RAB38: variants seen among roughly 807,000 people sequenced by gnomAD.
RAB38 encodes the protein RAB38, member RAS oncogene family.
In RAB38, 15 loss-of-function variants were observed where a neutral mutation model predicts 18.4. That is an observed-to-expected ratio of 0.82 (90% CI 0.55 to 1.26). The LOEUF (loss-of-function observed/expected upper bound fraction) is 1.26, where lower values mean the gene tolerates loss of function less well. Among genes scored for constraint, RAB38 ranks in the 50% most tolerant of loss-of-function variants. RAB38 has a pLI of 0.00. For missense variants in RAB38, 294 were observed against 267.4 expected (o/e 1.10, Z -0.69); for synonymous variants, 101 against 104.4 (o/e 0.97, Z 0.20).
At chr11:88,175,101 G>T (rs1483501125) in intron 1 of RAB38, 82 bp downstream of exon 1, 7 of 1,407,924 alleles carry the variant, frequency 5.0e-6, no homozygotes, top group Non-Finnish European at 6.6e-6. Flanking sequence ...TTAATCTCAC[G>T]CTTGGCCGCA....
chr11:88,166,219 T>C (rs1277302707), intron 1 of RAB38: 1 of 152,050 alleles, frequency 6.6e-6, no homozygotes, highest in African/African-American at 2.4e-5. Context: ...GAGAAAATGA[T>C]ATTAGAAATG....
At chr11:88,128,778 T>C (rs1942734602) in intron 2 of RAB38, among the ~76,000 whole-genome samples, 1 of 152,222 alleles carries the variant, frequency 6.6e-6, no homozygotes, top group African/African-American at 2.4e-5. Context: ...TACTCAAGAC[T>C]AGAACAATTC....
chr11:87,960,379 C>CA, the RAB38 span, among the ~76,000 whole-genome samples: 28,030 of 113,242 alleles, frequency 0.25, 2,853 homozygotes, highest in Middle Eastern at 0.39. Flanking sequence ...TGGAAGACAA[C>CA]AAAAAAAAGA....
the RAB38 span, among the ~76,000 whole-genome samples, chr11:87,851,992 T>A: frequency 6.6e-6 from 1 of 152,250 alleles, no homozygotes; most frequent in African/African-American, 2.4e-5. Context: ...TTAAACTATA[T>A]TTTTTATGCT....
the RAB38 span, among the ~76,000 whole-genome samples, chr11:87,835,543 T>G: frequency 6.6e-6 from 1 of 152,212 alleles, no homozygotes; most frequent in Non-Finnish European, 1.5e-5. Context: ...GTGACCTGTT[T>G]TAGACATAGG....
chr11:87,907,064 C>G, the RAB38 span, among the ~76,000 whole-genome samples: 2 of 151,910 alleles, frequency 1.3e-5, no homozygotes, highest in Non-Finnish European at 2.9e-5. Flanking sequence ...GTGAACATGA[C>G]TAGGTAAGTT....
intron 2 of RAB38, among the ~76,000 whole-genome samples, chr11:88,119,684 A>T (rs983029134): frequency 1.3e-5 from 2 of 152,080 alleles, no homozygotes; most frequent in Non-Finnish European, 2.9e-5. Flanking sequence ...AAAAAAAAAA[A>T]ATCCTAGCAG....
chr11:87,897,320 A>C, the RAB38 span, among the ~76,000 whole-genome samples: 1 of 151,476 alleles, frequency 6.6e-6, no homozygotes, highest in African/African-American at 2.4e-5. Context: ...AATTGTAAAT[A>C]TTTAACTATT....
the RAB38 span, among the ~76,000 whole-genome samples, chr11:87,865,276 T>G: frequency 6.6e-6 from 1 of 151,688 alleles, no homozygotes. Context: ...GATCTTGAAG[T>G]GTCAAATTAT....
chr11:87,862,245 A>T, the RAB38 span, among the ~76,000 whole-genome samples: 1 of 151,992 alleles, frequency 6.6e-6, no homozygotes, highest in African/African-American at 2.4e-5. Context: ...AATAGCAAAG[A>T]CATAGAATCA....
chr11:88,119,630 G>A (rs1367915821), intron 2 of RAB38, among the ~76,000 whole-genome samples: 1 of 150,382 alleles, frequency 6.6e-6, no homozygotes, highest in South Asian at 2.1e-4. Flanking sequence ...TCTGTCTTGC[G>A]GCAAAGTATT....
the RAB38 span, chr11:88,098,608 G>C: frequency 6.6e-6 from 1 of 151,848 alleles, no homozygotes; most frequent in Non-Finnish European, 1.5e-5. Context: ...TCCATTCTCT[G>C]TTTTTAATGC....
chr11:88,074,060 A>T, the RAB38 span, among the ~76,000 whole-genome samples: 1 of 149,818 alleles, frequency 6.7e-6, no homozygotes, highest in African/African-American at 2.5e-5. Context: ...AAAAAAAAAA[A>T]TCTAAGAATT....
chr11:87,903,060 AT>A, the RAB38 span, among the ~76,000 whole-genome samples: 1 of 151,260 alleles, frequency 6.6e-6, no homozygotes, highest in Non-Finnish European at 1.5e-5. Context: ...TATTCCCATT[AT>A]TTATTTCTTT....
chr11:88,105,525 T>C, the RAB38 span, among the ~76,000 whole-genome samples: 12 of 152,278 alleles, frequency 7.9e-5, no homozygotes, highest in East Asian at 2.1e-3. Flanking sequence ...TCAGGACTTA[T>C]ACACAGTTAA....
the RAB38 span, among the ~76,000 whole-genome samples, chr11:87,939,627 G>A: frequency 9.2e-5 from 14 of 152,198 alleles, no homozygotes; most frequent in South Asian, 2.9e-3. Context: ...GGAGGCCGAG[G>A]AGCTAAGATA....
At chr11:87,932,604 G>C in the RAB38 span, among the ~76,000 whole-genome samples, 3 of 152,044 alleles carry the variant, frequency 2.0e-5, no homozygotes, top group Non-Finnish European at 4.4e-5. Context: ...TTAGATCCTA[G>C]TGTAATCAGC....
intron 2 of RAB38, among the ~76,000 whole-genome samples, chr11:88,142,096 C>G (rs1942922401): frequency 6.6e-6 from 1 of 152,190 alleles, no homozygotes; most frequent in African/African-American, 2.4e-5. Flanking sequence ...CTCAGAAAAA[C>G]AGGCCTGTCC....
chr11:87,839,475 AGTT>A, the RAB38 span, among the ~76,000 whole-genome samples: 5 of 152,278 alleles, frequency 3.3e-5, no homozygotes, highest in East Asian at 9.7e-4. Context: ...CTGACTTTTC[AGTT>A]GTTCTTTTTC....
Sources: allele counts gnomAD v4.1 joint callset (sites outside exome capture counted in the v4.1 genomes callset), GRCh38; gene constraint gnomAD v4.1.1; transcripts MANE v1.5; gene names NCBI Gene and HGNC (gene_info 2026-07-23, HGNC 2026-07-21).